The following KCNN2 variants were observed in gnomAD, a reference collection of about 807,000 sequenced individuals.
The protein encoded by KCNN2 is potassium calcium-activated channel subfamily N member 2, also known as small conductance calcium-activated potassium channel protein 2.
A neutral mutation model predicts 55.5 loss-of-function variants in KCNN2; 24 were observed. The observed-to-expected ratio is 0.43, with a 90% CI of 0.31 to 0.61. The LOEUF is 0.61. KCNN2 is among the 20% of genes least tolerant of loss of function. The pLI is 0.08. For missense variants in KCNN2, 754 were observed against 853.6 expected, an observed-to-expected ratio of 0.88 and a Z score of 1.45; for synonymous variants, 431 against 336.1, an observed-to-expected ratio of 1.28 and a Z score of -3.09.
At chr5:114,376,257 G>C (rs1040481954) in intron 2 of KCNN2, among the ~76,000 whole-genome samples, 2 of 152,016 alleles carry the variant, frequency 1.3e-5, no homozygotes, top group African/African-American at 4.8e-5. Context: ...AGAAGGAAAG[G>C]GGACATGTGT....
chr5:114,103,946 A>C (rs1475897917), intron 1 of KCNN2, among the ~76,000 whole-genome samples: 4 of 152,102 alleles, frequency 2.6e-5, no homozygotes, highest in Non-Finnish European at 5.9e-5. Flanking sequence ...TCATAAAAAG[A>C]GTTAGGGAGG....
At chr5:114,175,828 CAG>C (rs1177469780) in intron 1 of KCNN2, among the ~76,000 whole-genome samples, 2 of 151,988 alleles carry the variant, frequency 1.3e-5, no homozygotes, top group Non-Finnish European at 2.9e-5. Flanking sequence ...GCCATTTTGC[CAG>C]AGTTATTGTA....
chr5:114,347,548 G>C (rs185938198), intron 2 of KCNN2, among the ~76,000 whole-genome samples: 5 of 152,236 alleles, frequency 3.3e-5, no homozygotes, highest in Admixed American at 2.0e-4. Flanking sequence ...TAATAACCTA[G>C]ACAAAACTTT....
intron 2 of KCNN2, among the ~76,000 whole-genome samples, chr5:114,313,446 G>C (rs149485714): frequency 6.6e-6 from 1 of 152,236 alleles, no homozygotes; most frequent in Non-Finnish European, 1.5e-5. Flanking sequence ...GCTCAATCCT[G>C]TATTACATTA....
intron 2 of KCNN2, among the ~76,000 whole-genome samples, chr5:114,318,475 G>C (rs1756546595): frequency 6.6e-6 from 1 of 151,774 alleles, no homozygotes; most frequent in African/African-American, 2.4e-5. Context: ...ATCTGAAAAA[G>C]TTGAAACTTC....
chr5:114,222,970 T>C (rs1754171770), intron 2 of KCNN2, among the ~76,000 whole-genome samples: 2 of 152,208 alleles, frequency 1.3e-5, no homozygotes, highest in African/African-American at 2.4e-5. Context: ...ATGCCATCTC[T>C]CATAATCTCT....
chr5:114,334,989 T>C (rs1053970635), intron 2 of KCNN2, among the ~76,000 whole-genome samples: 14 of 152,142 alleles, frequency 9.2e-5, no homozygotes, highest in Non-Finnish European at 7.4e-5. Flanking sequence ...AGTGTCGCGA[T>C]CTTGGCTCAC....
intron 1 of KCNN2, among the ~76,000 whole-genome samples, chr5:114,191,905 C>T (rs969400787): frequency 6.6e-6 from 1 of 152,150 alleles, no homozygotes; most frequent in African/African-American, 2.4e-5. Flanking sequence ...GCTGAGAAAC[C>T]AAATTGGTTT....
At chr5:114,187,542 G>A (rs904207679) in intron 1 of KCNN2, among the ~76,000 whole-genome samples, 18 of 123,676 alleles carry the variant, frequency 1.5e-4, no homozygotes, top group African/African-American at 5.6e-4. Flanking sequence ...GTCTTACTCT[G>A]TCACCTAGGC....
At chr5:114,182,032 T>C (rs1361334866) in intron 1 of KCNN2, among the ~76,000 whole-genome samples, 2 of 152,078 alleles carry the variant, frequency 1.3e-5, no homozygotes, top group Non-Finnish European at 2.9e-5. Flanking sequence ...AAATTAATTT[T>C]TGTGTATGTA....
chr5:114,484,633 G>A lies in KCNN2; in HGVS notation c.1891-2417G>A, dbSNP rs74355691. ...GTTCCTTTTCAACCCTAGATGGAAA[G>A]GAAGACCCTACTATTAGAAACACAT... On this transcript the variant is annotated intron_variant, in intron 5 of 7. Coordinates refer to ENST00000673685, the MANE Select transcript of KCNN2 (RefSeq NM_021614.4). 8.5e-4 allele frequency among the ~76,000 whole-genome samples: 129 copies of A among 152,228 alleles called. 1 individual carries two copies. The highest frequency in any genetic ancestry group is 6.6e-3 in the East Asian group (34 of 5,174).
intron 2 of KCNN2, among the ~76,000 whole-genome samples, chr5:114,342,205 A>ATT (rs11427618): frequency 8.4e-4 from 127 of 150,812 alleles, no homozygotes; most frequent in African/African-American, 2.5e-3. Context: ...CCGGCCCATA[A>ATT]TTTTTTTTTT....
intron 1 of KCNN2, among the ~76,000 whole-genome samples, chr5:114,076,772 C>T (rs2112534018): frequency 6.6e-6 from 1 of 152,284 alleles, no homozygotes; most frequent in South Asian, 2.1e-4. Context: ...CGGCTTACTG[C>T]AACCTCAGCC....
At chr5:114,340,043 G>A (rs1561577193) in intron 2 of KCNN2, among the ~76,000 whole-genome samples, 2 of 152,078 alleles carry the variant, frequency 1.3e-5, no homozygotes, top group Admixed American at 6.5e-5. Flanking sequence ...CTCAAGTCAG[G>A]ATTTGAATTC....
intron 1 of KCNN2, among the ~76,000 whole-genome samples, chr5:114,076,990 CG>C (rs1464941632): frequency 6.6e-6 from 1 of 152,164 alleles, no homozygotes; most frequent in Non-Finnish European, 1.5e-5. Flanking sequence ...CCACCGCGCC[CG>C]GCCAAGAACT....
chr5:114,135,122 C>G (rs774614592), intron 1 of KCNN2, among the ~76,000 whole-genome samples: 11 of 147,866 alleles, frequency 7.4e-5, no homozygotes, highest in Non-Finnish European at 1.3e-4. Context: ...TCTGGGAGAG[C>G]TGAAGCTTAA....
At chr5:114,330,516 A>T (rs1756798206) in intron 2 of KCNN2, among the ~76,000 whole-genome samples, 1 of 152,226 alleles carries the variant, frequency 6.6e-6, no homozygotes, top group Non-Finnish European at 1.5e-5. Flanking sequence ...CTATGATCAT[A>T]CATCATTTTT....
chr5:114,220,140 G>C (rs1329559072), intron 1 of KCNN2, among the ~76,000 whole-genome samples: 1 of 152,118 alleles, frequency 6.6e-6, no homozygotes, highest in African/African-American at 2.4e-5. Context: ...GTAAAACAAA[G>C]TTCTGAATGC....
intron 4 of KCNN2, 74 bp from the exon 5 acceptor site, chr5:114,472,980 A>C: frequency 4.8e-6 from 4 of 840,200 alleles, no homozygotes; most frequent in Non-Finnish European, 7.3e-6. Context: ...ATTTGATGCA[A>C]AACATTTTCT....
Sources: gnomAD v4.1 joint callset for allele counts (sites outside exome capture counted in the v4.1 genomes callset) on GRCh38, gnomAD v4.1.1 for gene constraint, MANE v1.5 for transcripts, NCBI Gene and HGNC (gene_info 2026-07-23, HGNC 2026-07-21) for gene names.